The following AGBL3 variants were observed in gnomAD, a reference collection of about 807,000 sequenced individuals.
The protein encoded by AGBL3 is AGBL carboxypeptidase 3, also known as cytosolic carboxypeptidase 3.
A neutral mutation model predicts 94.5 loss-of-function variants in AGBL3; 68 were observed. That is an observed-to-expected ratio of 0.72 (90% CI 0.59 to 0.88). The LOEUF (loss-of-function observed/expected upper bound fraction) is 0.88. Among genes scored for constraint, AGBL3 ranks in the 40% least tolerant of loss-of-function variants. AGBL3 has a pLI of 0.00. For missense variants in AGBL3, 934 were observed against 1,103.8 expected, an observed-to-expected ratio of 0.85 and a Z score of 2.18; for synonymous variants, 354 against 370.7, an observed-to-expected ratio of 0.95 and a Z score of 0.52.
At chr7:135,065,188 A>T (rs1462764436) in intron 12 of AGBL3, among the ~76,000 whole-genome samples, 1 of 152,242 alleles carries the variant, frequency 6.6e-6, no homozygotes, top group East Asian at 1.9e-4. Context: ...GAAATTGAAG[A>T]CACAAATAAA....
chr7:135,134,690 G>T, intron 16 of AGBL3, 151 bp from the exon 17 acceptor site: 1 of 708,200 alleles, frequency 1.4e-6, no homozygotes, highest in Non-Finnish European at 2.2e-6. Flanking sequence ...GATCAGAGAT[G>T]AAGACTTCTA....
chr7:135,004,775 T>C (rs951898012), intron 4 of AGBL3, among the ~76,000 whole-genome samples: 1 of 151,618 alleles, frequency 6.6e-6, no homozygotes, highest in South Asian at 2.1e-4. Context: ...CATTGTGTTT[T>C]TGCATTCTTA....
intron 8 of AGBL3, 50 bp downstream of exon 8, chr7:135,037,630 G>A (rs1816440922): frequency 1.4e-5 from 20 of 1,433,634 alleles, no homozygotes; most frequent in Non-Finnish European, 1.9e-5. Flanking sequence ...TGTTGCCCAT[G>A]TGAGATAGCA....
intron 12 of AGBL3, among the ~76,000 whole-genome samples, chr7:135,071,248 C>CT (rs1819877095): frequency 2.6e-5 from 4 of 152,044 alleles, no homozygotes; most frequent in Non-Finnish European, 5.9e-5. Context: ...AAGAACATTC[C>CT]ATGCTCATGG....
In AGBL3 at chr7:135,110,460, G is replaced by T. The variant is rs151079560; in HGVS notation, c.2111-4920G>T. On this transcript the variant is annotated intron_variant, in intron 15 of 16. Transcript: ENST00000436302. ...AGACTCCATGTATCAATAACCCTAT[G>T]TGTCAGACTGCAGGAATTGGTGGAG... 1.2e-3 allele frequency among the ~76,000 whole-genome samples: 190 copies of T among 152,246 alleles called. 3 individuals carry two copies. In the East Asian group the frequency reaches 0.03, roughly 24 times the overall value.
intron 11 of AGBL3, among the ~76,000 whole-genome samples, chr7:135,047,369 T>A (rs566224287): frequency 6.6e-6 from 1 of 152,208 alleles, no homozygotes; most frequent in South Asian, 2.1e-4. Context: ...AATGTCTAGA[T>A]TTCGGTTCTT....
intron 4 of AGBL3, among the ~76,000 whole-genome samples, chr7:135,013,665 T>C (rs1375581287): frequency 2.0e-5 from 3 of 152,136 alleles, no homozygotes; most frequent in Non-Finnish European, 4.4e-5. Flanking sequence ...TACAAGACAC[T>C]TCCGCTGACA....
rs181071586 is a variant in AGBL3 at position 135,004,722 on chromosome 7, C to T, written c.310+11044C>T. Among the ~76,000 whole-genome samples the T allele has an allele frequency of 2.3e-3, 345 of 151,562 alleles. 1 individual carries two copies. The highest frequency in any genetic ancestry group is 7.6e-3 in the African/African-American group (316 of 41,498). ...CATTCTCCTATAATTGCTAAAATTTCCTTTAAAGATAGGAGATTTTTTTCC... is the reference window on the plus strand; with the variant it reads ...CATTCTCCTATAATTGCTAAAATTTTCTTTAAAGATAGGAGATTTTTTTCC... On this transcript the variant is annotated intron_variant, in intron 4 of 16. Transcript: ENST00000436302.
chr7:135,044,001 T>C, intron 8 of AGBL3, 24 bp from the exon 9 acceptor site: 4 of 1,541,730 alleles, frequency 2.6e-6, no homozygotes, highest in Non-Finnish European at 3.5e-6. Flanking sequence ...ACAACGAGTC[T>C]CATTTTTATT....
intron 12 of AGBL3, among the ~76,000 whole-genome samples, chr7:135,065,954 T>A (rs867085424): frequency 1.4e-4 from 21 of 152,208 alleles, no homozygotes; most frequent in South Asian, 1.2e-3. Flanking sequence ...ATTGGACCTT[T>A]ATACTACACA....
chr7:135,094,776 G>A (rs907287380), intron 15 of AGBL3, among the ~76,000 whole-genome samples: 1 of 152,120 alleles, frequency 6.6e-6, no homozygotes, highest in Non-Finnish European at 1.5e-5. Context: ...AGGAGCAAGA[G>A]GCCTTACATT....
At chr7:134,992,788 T>A (rs1810459375) in intron 3 of AGBL3, among the ~76,000 whole-genome samples, 1 of 152,112 alleles carries the variant, frequency 6.6e-6, no homozygotes, top group South Asian at 2.1e-4. Flanking sequence ...TGTACAAAAA[T>A]AACCAAGAAC....
intron 15 of AGBL3, among the ~76,000 whole-genome samples, chr7:135,103,542 A>G (rs1170495812): frequency 6.6e-6 from 1 of 152,158 alleles, no homozygotes; most frequent in Non-Finnish European, 1.5e-5. Context: ...ATCCGTCTGC[A>G]CTGTATTTAA....
chr7:135,110,444 G>A (rs1365438653), intron 15 of AGBL3, among the ~76,000 whole-genome samples: 2 of 152,146 alleles, frequency 1.3e-5, no homozygotes, highest in African/African-American at 4.8e-5. Context: ...AAGACTCCAT[G>A]TATCAATAAC....
At chr7:135,119,597 G>A (rs912903036) in intron 16 of AGBL3, among the ~76,000 whole-genome samples, 1 of 151,794 alleles carries the variant, frequency 6.6e-6, no homozygotes. Context: ...AGTCAGAGAG[G>A]CTGGGCACAG....
intron 15 of AGBL3, among the ~76,000 whole-genome samples, chr7:135,112,300 T>G (rs549143132): frequency 6.6e-6 from 1 of 152,374 alleles, no homozygotes; most frequent in East Asian, 1.9e-4. Flanking sequence ...AACCTGATTT[T>G]CTTGCGTAAA....
chr7:135,111,074 C>CT (rs1272340434), intron 15 of AGBL3, among the ~76,000 whole-genome samples: 1 of 152,214 alleles, frequency 6.6e-6, no homozygotes, highest in Non-Finnish European at 1.5e-5. Context: ...CCTTTACCCT[C>CT]AGTAGATGAC....
rs867198984 is a variant in AGBL3, at chr7:135,045,968, A to G, written c.1841+57A>G. 1.4e-5 allele frequency: 16 copies of G among 1,141,774 alleles called. No homozygotes were observed. The Middle Eastern group carries it at 1.2e-3, about 86-fold the overall frequency. 70.7% of individuals were successfully genotyped at this position (1,141,774 alleles called of 1,614,324 possible). A position where few individuals can be genotyped will look rare whatever the true frequency, so the allele number is the denominator to read the frequency against. ...GTTGTGCTGTTTTACTATGTTCTTT[A>G]TAATTATACCAGCATTTTATTGTCA... On this transcript the variant is annotated intron_variant, in intron 11 of 16. Coordinates refer to ENST00000436302, the MANE Select transcript of AGBL3 (RefSeq NM_178563.4).
chr7:135,067,622 C>G (rs948163156), intron 12 of AGBL3, among the ~76,000 whole-genome samples: 1 of 152,252 alleles, frequency 6.6e-6, no homozygotes, highest in Non-Finnish European at 1.5e-5. Flanking sequence ...GATACCCAGG[C>G]AAACAGGGTC....
Sources: allele counts gnomAD v4.1 joint callset (sites outside exome capture counted in the v4.1 genomes callset), GRCh38; gene constraint gnomAD v4.1.1; transcripts MANE v1.5; gene names NCBI Gene and HGNC (gene_info 2026-07-23, HGNC 2026-07-21).